C11orf65: variants seen among roughly 807,000 people sequenced by gnomAD.
C11orf65 encodes the protein chromosome 11 open reading frame 65.
C11orf65 carries 38 observed loss-of-function variants against 35.3 expected under a neutral mutation model. The observed-to-expected ratio is 1.08, with a 90% CI of 0.83 to 1.41. The LOEUF is 1.41. C11orf65 is among the 40% of genes most tolerant of loss of function. C11orf65 has a pLI of 0.00. For synonymous variants in C11orf65, 105 were observed against 114.4 expected, an observed-to-expected ratio of 0.92 and a Z score of 0.53; for missense variants, 370 against 367.1, an observed-to-expected ratio of 1.01 and a Z score of -0.06.
chr11:108,430,537 C>G (rs971131038), intron 3 of C11orf65, among the ~76,000 whole-genome samples: 1 of 151,716 alleles, frequency 6.6e-6, no homozygotes, highest in East Asian at 1.9e-4. Flanking sequence ...TAAAAAAATA[C>G]AAAGAACTGA....
rs994348665 is a variant in C11orf65, at chr11:108,354,797, G to A, written c.227-19505C>T. ...GTGTAACAAAATCCGTATTTATAAT[G>A]TGTTTGACTCTAGATGCTGTGAGAA... is the stretch of plus-strand genomic sequence containing the variant. On this transcript the variant is annotated intron_variant, in intron 2 of 3. Transcript: ENST00000524755. The A allele has an allele frequency of 2.5e-6, 4 of 1,609,968 alleles. No homozygotes were observed. Among genetic ancestry groups the A allele is most frequent in the Admixed American group, 1.7e-5 (1 of 59,998 alleles).
At chr11:108,428,163 G>A (rs777720960) in intron 3 of C11orf65, among the ~76,000 whole-genome samples, 1 of 152,058 alleles carries the variant, frequency 6.6e-6, no homozygotes, top group Non-Finnish European at 1.5e-5. Flanking sequence ...GGAAAGAATA[G>A]ATGCTGGAGA....
chr11:108,398,590 T>A (rs1408505252), intron 6 of C11orf65, among the ~76,000 whole-genome samples: 1 of 152,228 alleles, frequency 6.6e-6, no homozygotes, highest in Admixed American at 6.5e-5. Flanking sequence ...AAAACGCATA[T>A]TATTCTTCAT....
chr11:108,352,408 G>A (rs891762289), intron 2 of C11orf65, among the ~76,000 whole-genome samples: 7 of 152,300 alleles, frequency 4.6e-5, no homozygotes, highest in African/African-American at 1.7e-4. Context: ...ACTGCAGAAT[G>A]AGGAGACAGA....
chr11:108,335,798 TA>T, intron 2 of C11orf65: 1 of 1,488,338 alleles, frequency 6.7e-7, no homozygotes. Context: ...TGTGTTTTTA[TA>T]ATAAAATAAA....
chr11:108,452,699 A>T (rs2093364385), intron 2 of C11orf65, among the ~76,000 whole-genome samples: 1 of 152,196 alleles, frequency 6.6e-6, no homozygotes, highest in Admixed American at 6.5e-5. Flanking sequence ...ACACATGCAC[A>T]CGTATGTTTA....
intron 6 of C11orf65, among the ~76,000 whole-genome samples, chr11:108,321,862 T>C (rs1394830049): frequency 6.6e-6 from 1 of 152,184 alleles, no homozygotes; most frequent in East Asian, 1.9e-4. Flanking sequence ...TGATTAGCCC[T>C]AGTGAATTGT....
chr11:108,357,356 C>T (rs1443652836), intron 2 of C11orf65, among the ~76,000 whole-genome samples: 2 of 152,106 alleles, frequency 1.3e-5, no homozygotes, highest in Non-Finnish European at 2.9e-5. Context: ...AAGGTGGCAG[C>T]GAGGCTGGGG....
chr11:108,435,556 G>A (rs192582652), intron 2 of C11orf65, among the ~76,000 whole-genome samples: 94 of 152,176 alleles, frequency 6.2e-4, no homozygotes, highest in African/African-American at 1.9e-3. Flanking sequence ...GAAGTTTTGC[G>A]TCATTCCCTT....
chr11:108,328,947 C>T, downstream of C11orf65: 6 of 1,426,718 alleles, frequency 4.2e-6, no homozygotes, highest in South Asian at 1.2e-5. Flanking sequence ...TAGTGTATTA[C>T]CTTAATTTGA....
At chr11:108,404,964 G>A (rs1209102115) in intron 6 of C11orf65, among the ~76,000 whole-genome samples, 1 of 152,182 alleles carries the variant, frequency 6.6e-6, no homozygotes, top group Admixed American at 6.5e-5. Flanking sequence ...AGACCGGGCC[G>A]AAGGCGGCCT....
intron 2 of C11orf65, among the ~76,000 whole-genome samples, chr11:108,445,679 G>C (rs2093242955): frequency 6.6e-6 from 1 of 152,076 alleles, no homozygotes; most frequent in Non-Finnish European, 1.5e-5. Context: ...GGAAAAAACA[G>C]AGCAGAAAAA....
chr11:108,376,655 C>T (rs1418397035), intron 2 of C11orf65, among the ~76,000 whole-genome samples: 1 of 151,888 alleles, frequency 6.6e-6, no homozygotes, highest in Non-Finnish European at 1.5e-5. Context: ...GAAATAGAGA[C>T]ACAAAAAACC....
intron 7 of C11orf65, among the ~76,000 whole-genome samples, chr11:108,386,696 A>G (rs944069303): frequency 2.2e-4 from 34 of 152,140 alleles, no homozygotes; most frequent in African/African-American, 8.0e-4. Flanking sequence ...GTGCCTTTAC[A>G]ACTGCACCCA....
intron 2 of C11orf65, among the ~76,000 whole-genome samples, chr11:108,363,023 T>C (rs1396058777): frequency 6.6e-6 from 1 of 152,144 alleles, no homozygotes; most frequent in East Asian, 1.9e-4. Flanking sequence ...CTTTGTGTAT[T>C]TTACACTCAT....
rs777245630 is a variant in C11orf65 at position 108,347,289 on chromosome 11, A to T, written c.227-11997T>A. 3.1e-6 allele frequency: 5 copies of T among 1,609,002 alleles called. No individual in the cohort carries two copies. Among genetic ancestry groups the T allele is most frequent in the Admixed American group, 1.7e-5 (1 of 59,964 alleles). ...TTCTTTTTTCTCCAGTTGGTTACAT[A>T]CTTGGACTTGGTGATAGACATGTAC... On this transcript the variant is annotated intron_variant, in intron 2 of 3. Coordinates refer to the C11orf65 transcript ENST00000524755.
chr11:108,429,868 T>C (rs951146247), intron 3 of C11orf65, among the ~76,000 whole-genome samples: 7 of 152,174 alleles, frequency 4.6e-5, no homozygotes, highest in African/African-American at 1.7e-4. Flanking sequence ...GAGGACACTG[T>C]GCTAAGTGAC....
intron 1 of C11orf65, among the ~76,000 whole-genome samples, chr11:108,464,100 T>C (rs1309188769): frequency 6.6e-6 from 1 of 151,784 alleles, no homozygotes; most frequent in Non-Finnish European, 1.5e-5. Context: ...CTAATTTTTG[T>C]ATTTTTAGTA....
At chr11:108,366,420 CTAAT>C (rs1277085369) in intron 2 of C11orf65, 5 of 218,826 alleles carry the variant, frequency 2.3e-5, no homozygotes, top group Admixed American at 5.8e-5. Flanking sequence ...TTTTATGTCA[CTAAT>C]TATTTTAAAT....
Sources: gnomAD v4.1 joint callset for allele counts (sites outside exome capture counted in the v4.1 genomes callset) on GRCh38, gnomAD v4.1.1 for gene constraint, MANE v1.5 for transcripts, NCBI Gene and HGNC (gene_info 2026-07-23, HGNC 2026-07-21) for gene names.